SNX8: variants seen among roughly 807,000 people sequenced by gnomAD.
SNX8 encodes sorting nexin-8.
A neutral mutation model predicts 51.6 loss-of-function variants in SNX8; 25 were observed. The ratio of observed to expected loss-of-function variants is 0.48; its 90% CI spans 0.35 to 0.68. SNX8 has a LOEUF of 0.68. Among genes scored for constraint, SNX8 ranks in the 30% least tolerant of loss-of-function variants. The probability of loss-of-function intolerance (pLI) is 0.00; values close to 1 mark genes in which losing one functional copy is unlikely to be tolerated. For synonymous variants in SNX8, 324 were observed against 277.0 expected (o/e 1.17, Z -1.68); for missense variants, 695 against 624.0 (o/e 1.11, Z -1.21).
At chr7:2,325,340 C>G (rs1778603394) in intron 1 of SNX8, among the ~76,000 whole-genome samples, 1 of 152,140 alleles carries the variant, frequency 6.6e-6, no homozygotes, top group South Asian at 2.1e-4. Flanking sequence ...ACAGAAAAAG[C>G]TTAGGTTTCC....
chr7:2,298,200 C>G (rs1319957603), intron 1 of SNX8, among the ~76,000 whole-genome samples: 1 of 152,028 alleles, frequency 6.6e-6, no homozygotes, highest in Non-Finnish European at 1.5e-5. Context: ...GCGAGATCAC[C>G]TCGAACTCCC....
chr7:2,334,042 G>A (rs898313878), intron 1 of SNX8, among the ~76,000 whole-genome samples: 1 of 152,078 alleles, frequency 6.6e-6, no homozygotes, highest in African/African-American at 2.4e-5. Flanking sequence ...GGCCAAGGAG[G>A]GAGGATCCCT....
At chr7:2,279,916 T>C (rs1562435377) in intron 1 of SNX8, among the ~76,000 whole-genome samples, 1 of 152,214 alleles carries the variant, frequency 6.6e-6, no homozygotes, top group Non-Finnish European at 1.5e-5. Flanking sequence ...AAAAAGAATC[T>C]TCCTTTTCTC....
At chr7:2,346,004 C>T (rs75680634) in intron 1 of SNX8, among the ~76,000 whole-genome samples, 62,101 of 151,664 alleles carry the variant, frequency 0.41, 15,402 homozygotes, top group East Asian at 0.57. Context: ...GACAGGGTTT[C>T]ACCATGTTGG....
intron 1 of SNX8, among the ~76,000 whole-genome samples, chr7:2,330,219 C>T (rs976724217): frequency 3.3e-5 from 5 of 150,286 alleles, no homozygotes; most frequent in African/African-American, 1.2e-4. Flanking sequence ...CTCACCACAA[C>T]CTCCACTTCC....
intron 1 of SNX8, among the ~76,000 whole-genome samples, chr7:2,295,501 G>A (rs982627599): frequency 2.0e-5 from 3 of 147,262 alleles, no homozygotes; most frequent in African/African-American, 5.1e-5. Flanking sequence ...GAACAGGAGT[G>A]CAAGACTAGC....
At chr7:2,278,041 T>G (rs1435234949) in intron 2 of SNX8, 59 bp downstream of exon 2, 7 of 1,576,388 alleles carry the variant, frequency 4.4e-6, no homozygotes, top group Non-Finnish European at 6.0e-6. Context: ...CCCTGAGATG[T>G]TGAGACGTGA....
chr7:2,298,198 A>T (rs1584716309), intron 1 of SNX8, among the ~76,000 whole-genome samples: 1 of 152,098 alleles, frequency 6.6e-6, no homozygotes, highest in Non-Finnish European at 1.5e-5. Context: ...GTGCGAGATC[A>T]CCTCGAACTC....
chr7:2,256,947 A>G lies in SNX8; in HGVS notation c.1211T>C (p.Ile404Thr), dbSNP rs372847761. The G allele has an allele frequency of 1.9e-6, 3 of 1,613,654 alleles. No individual in the cohort carries two copies. The highest frequency in any genetic ancestry group is 2.5e-6 in the Non-Finnish European group (3 of 1,179,832). ...LYCLHQETQL[I>T]HVYLPLTSHI... ...GGAGGTGAGGGGCAGGTAGACGTGG[A>G]TGAGCTGCGTCTCCTGGTGCAGGCA... The change falls in exon 10 of 11, where the codon ATC becomes ACC. Residue 404 changes from isoleucine to threonine, a missense_variant. Coordinates refer to ENST00000222990, the MANE Select transcript of SNX8 (RefSeq NM_013321.4).
At chr7:2,335,541 G>A (rs1449654733) in intron 1 of SNX8, among the ~76,000 whole-genome samples, 3 of 152,186 alleles carry the variant, frequency 2.0e-5, no homozygotes, top group East Asian at 1.9e-4. Flanking sequence ...GGTGGCTCAC[G>A]CCTGTAATCC....
chr7:2,273,914 A>C (rs1180994143), intron 3 of SNX8, among the ~76,000 whole-genome samples: 1 of 152,066 alleles, frequency 6.6e-6, no homozygotes, highest in Non-Finnish European at 1.5e-5. Flanking sequence ...AAAAAAAAAA[A>C]AAAACACCAT....
At chr7:2,333,796 C>T (rs947836371) in intron 1 of SNX8, among the ~76,000 whole-genome samples, 1 of 152,108 alleles carries the variant, frequency 6.6e-6, no homozygotes, top group South Asian at 2.1e-4. Context: ...TCAATTCTTC[C>T]CGGATACCAT....
chr7:2,262,086 G>C (rs1022290888), intron 7 of SNX8, among the ~76,000 whole-genome samples: 1 of 152,182 alleles, frequency 6.6e-6, no homozygotes, highest in African/African-American at 2.4e-5. Flanking sequence ...CGCCCAGGCT[G>C]GTGTGCAGTG....
chr7:2,281,548 T>C (rs1412419672), intron 1 of SNX8, among the ~76,000 whole-genome samples: 1 of 152,092 alleles, frequency 6.6e-6, no homozygotes, highest in Non-Finnish European at 1.5e-5. Context: ...ATAAACGTTA[T>C]GCTCACTAAT....
chr7:2,297,550 CAAAAAAAAAAA>C (rs145543350), intron 1 of SNX8, among the ~76,000 whole-genome samples: 8 of 40,272 alleles, frequency 2.0e-4, no homozygotes, highest in East Asian at 7.9e-4. Flanking sequence ...AACCCCGCCG[CAAAAAAAAAAA>C]AAAAAAAAAA....
chr7:2,268,921 C>A (rs1795567514), intron 5 of SNX8, among the ~76,000 whole-genome samples: 2 of 112,284 alleles, frequency 1.8e-5, no homozygotes, highest in Non-Finnish European at 3.9e-5. Context: ...GTCAGCCCCC[C>A]TGCCTGGCCA....
intron 1 of SNX8, among the ~76,000 whole-genome samples, chr7:2,311,810 G>A (rs566012148): frequency 1.2e-4 from 18 of 151,966 alleles, no homozygotes; most frequent in African/African-American, 3.9e-4. Context: ...GGTGGCGGGC[G>A]CCTGTAGTCC....
In SNX8 at chr7:2,255,097, G is replaced by A; in HGVS notation, c.1357C>T (p.Pro453Ser). ...CCGTCCTCCGGCGGGGAGCACGGTG[G>A]GGTCAGGGTGCTGTGTGGTCCCGCA... ...LFAGPHSTLT[P>S]PCSPPEDGLC... The change falls in exon 11 of 11, where the codon CCA becomes TCA. Residue 453 changes from proline to serine, a missense_variant. Coordinates refer to ENST00000222990, the MANE Select transcript of SNX8 (RefSeq NM_013321.4). The A allele has an allele frequency of 1.3e-6, 2 of 1,580,588 alleles. No individual in the cohort carries two copies. The highest frequency in any genetic ancestry group is 1.2e-5 in the South Asian group (1 of 86,182).
At chr7:2,345,760 G>A (rs966917014) in intron 1 of SNX8, among the ~76,000 whole-genome samples, 1 of 151,794 alleles carries the variant, frequency 6.6e-6, no homozygotes, top group African/African-American at 2.4e-5. Context: ...ATATTATTGT[G>A]TACTTCTGCA....
Sources: allele counts gnomAD v4.1 joint callset (sites outside exome capture counted in the v4.1 genomes callset), GRCh38; gene constraint gnomAD v4.1.1; transcripts MANE v1.5; gene names NCBI Gene and HGNC (gene_info 2026-07-23, HGNC 2026-07-21).